The following PTPRE variants were observed in gnomAD, a reference collection of about 807,000 sequenced individuals.
The protein encoded by PTPRE is protein tyrosine phosphatase receptor type E.
In PTPRE, 51 loss-of-function variants were observed where a neutral mutation model predicts 102.0. The ratio of observed to expected loss-of-function variants is 0.50; its 90% CI spans 0.40 to 0.63. PTPRE has a LOEUF of 0.63. PTPRE is among the 30% of genes least tolerant of loss of function. The pLI is 0.00. For missense variants in PTPRE, 752 were observed against 915.1 expected, an observed-to-expected ratio of 0.82 and a Z score of 2.30; for synonymous variants, 345 against 348.2, an observed-to-expected ratio of 0.99 and a Z score of 0.10.
intron 2 of PTPRE, chr10:127,987,411 G>A: frequency 1.7e-6 from 2 of 1,191,594 alleles, no homozygotes; most frequent in Non-Finnish European, 2.2e-6. Context: ...GGGGAGCTCA[G>A]AGGGGTCTTT....
At chr10:127,952,021 T>C (rs1247408729) in intron 1 of PTPRE, among the ~76,000 whole-genome samples, 1 of 152,226 alleles carries the variant, frequency 6.6e-6, no homozygotes, top group Non-Finnish European at 1.5e-5. Flanking sequence ...TTCTCCATCC[T>C]TGTCCAGAAG....
At chr10:127,979,423 A>T (rs563775218) in intron 1 of PTPRE, among the ~76,000 whole-genome samples, 1 of 152,214 alleles carries the variant, frequency 6.6e-6, no homozygotes, top group Non-Finnish European at 1.5e-5. Context: ...GAACATTATG[A>T]TTGGTTTTTG....
chr10:128,058,501 A>G (rs1849211550), intron 7 of PTPRE, among the ~76,000 whole-genome samples: 1 of 152,200 alleles, frequency 6.6e-6, no homozygotes, highest in Non-Finnish European at 1.5e-5. Context: ...GGGGACCAGG[A>G]CGTGGCACTT....
intron 2 of PTPRE, among the ~76,000 whole-genome samples, chr10:127,987,985 A>T (rs1852245499): frequency 6.6e-6 from 1 of 152,216 alleles, no homozygotes; most frequent in Non-Finnish European, 1.5e-5. Flanking sequence ...TGTGCAGTTC[A>T]TGTTGCGATA....
chr10:127,946,376 TA>T (rs1298755904), intron 1 of PTPRE, among the ~76,000 whole-genome samples: 1 of 149,034 alleles, frequency 6.7e-6, no homozygotes, highest in Non-Finnish European at 1.5e-5. Context: ...TTGGGGCAAA[TA>T]AGTAAGGATA....
intron 1 of PTPRE, among the ~76,000 whole-genome samples, chr10:127,956,516 A>G (rs1420301385): frequency 6.6e-6 from 1 of 152,252 alleles, no homozygotes; most frequent in African/African-American, 2.4e-5. Context: ...GGCAATTAAG[A>G]ATAAAGCTGC....
chr10:127,953,431 A>G (rs1031630484), intron 1 of PTPRE, among the ~76,000 whole-genome samples: 4 of 152,338 alleles, frequency 2.6e-5, no homozygotes, highest in East Asian at 1.9e-4. Context: ...ACACTTGATT[A>G]TGGGCCACCA....
chr10:127,907,289 G>A lies in PTPRE; in HGVS notation c.-51G>A. 3.0e-6 allele frequency: 3 copies of A among 984,748 alleles called. No homozygotes were observed. The highest frequency in any genetic ancestry group is 1.7e-5 in the African/African-American group (1 of 57,246). 61.0% of individuals were successfully genotyped at this position (984,748 alleles called of 1,614,324 possible). ...GCCTCCGCTGCAGCGCGATCTGCGCGACCAGACCGGCCCCCCCGAGGTGAG... is the reference window on the plus strand; with the variant it reads ...GCCTCCGCTGCAGCGCGATCTGCGCAACCAGACCGGCCCCCCCGAGGTGAG... On this transcript the variant is annotated 5_prime_UTR_variant, in exon 1 of 21. Transcript: ENST00000254667. This position sits in a 1 kb window ranked among gnomAD's most constrained non-coding sequence, Gnocchi z 4.8.
intron 2 of PTPRE, among the ~76,000 whole-genome samples, chr10:128,035,282 T>TATAC (rs147594160): frequency 2.6e-5 from 4 of 151,398 alleles, no homozygotes; most frequent in East Asian, 3.9e-4. Flanking sequence ...TGTATATATA[T>TATAC]ACACACACAC....
chr10:128,026,026 C>CCG, intron 2 of PTPRE, among the ~76,000 whole-genome samples: 1 of 152,312 alleles, frequency 6.6e-6, no homozygotes, highest in South Asian at 2.1e-4. Context: ...TTTCCAGCAC[C>CCG]CCGAGAGTCT....
intron 2 of PTPRE, among the ~76,000 whole-genome samples, chr10:127,993,063 G>C (rs1852848560): frequency 1.3e-5 from 2 of 152,126 alleles, no homozygotes; most frequent in Admixed American, 6.5e-5. Context: ...ACAGAATCTA[G>C]GGTCCTGATT....
intron 1 of PTPRE, among the ~76,000 whole-genome samples, chr10:127,937,444 C>A (rs1214105922): frequency 2.0e-5 from 3 of 152,092 alleles, no homozygotes; most frequent in Admixed American, 1.3e-4. Flanking sequence ...TAGTGATTAC[C>A]CACACCAGGG....
chr10:127,913,939 A>G (rs1237426208), intron 1 of PTPRE, among the ~76,000 whole-genome samples: 1 of 152,132 alleles, frequency 6.6e-6, no homozygotes, highest in Non-Finnish European at 1.5e-5. Context: ...GAAACACAGT[A>G]TATGGTTTGG....
intron 6 of PTPRE, among the ~76,000 whole-genome samples, chr10:128,055,657 G>A (rs1489510208): frequency 6.6e-6 from 1 of 152,110 alleles, no homozygotes; most frequent in Non-Finnish European, 1.5e-5. Context: ...TTGCCTCCCA[G>A]GACCGCTCTA....
intron 2 of PTPRE, among the ~76,000 whole-genome samples, chr10:128,013,505 G>A (rs1845178005): frequency 6.6e-6 from 1 of 152,166 alleles, no homozygotes; most frequent in Non-Finnish European, 1.5e-5. Flanking sequence ...CCTTTAAACG[G>A]TCACATGGTA....
rs1039480177 is a variant in PTPRE, at chr10:128,008,689, G to A, written c.-8+26393G>A. Among the ~76,000 whole-genome samples, 1 of 152,148 alleles carries A rather than the reference G, an allele frequency of 6.6e-6. No individual in the cohort carries two copies. Among genetic ancestry groups the A allele is most frequent in the African/African-American group, 2.4e-5 (1 of 41,420 alleles). ...AATCTACTGTGGTAATTCCGGCCAG[G>A]ACTCAAGGATGTAAGAAGTAGGAGA... On this transcript the variant is annotated intron_variant, in intron 2 of 20. Transcript: ENST00000254667. This position sits in a 1 kb window ranked among gnomAD's most constrained non-coding sequence, Gnocchi z 4.0.
At chr10:127,945,921 C>T (rs1848588373) in intron 1 of PTPRE, among the ~76,000 whole-genome samples, 1 of 152,080 alleles carries the variant, frequency 6.6e-6, no homozygotes, top group African/African-American at 2.4e-5. Context: ...TGTAAATCAC[C>T]ATTTCAGGAT....
chr10:128,025,583 T>A (rs1564897104), intron 2 of PTPRE, among the ~76,000 whole-genome samples: 1 of 152,078 alleles, frequency 6.6e-6, no homozygotes, highest in Non-Finnish European at 1.5e-5. Flanking sequence ...CATCCTGAGC[T>A]CCTCCCAGAC....
intron 6 of PTPRE, among the ~76,000 whole-genome samples, chr10:128,051,516 C>T (rs765893551): frequency 8.5e-5 from 13 of 152,224 alleles, no homozygotes; most frequent in African/African-American, 2.7e-4. Context: ...CTGATACATA[C>T]GGCTTGTCAC....
Sources: allele counts gnomAD v4.1 joint callset (sites outside exome capture counted in the v4.1 genomes callset), GRCh38; gene constraint gnomAD v4.1.1; non-coding constraint Gnocchi (gnomAD v3.1); transcripts MANE v1.5; gene names NCBI Gene and HGNC (gene_info 2026-07-23, HGNC 2026-07-21).